The following RBFOX1 variants were observed in gnomAD, a reference collection of about 807,000 sequenced individuals.
RBFOX1 encodes the protein RNA binding protein fox-1 homolog 1.
Under a neutral mutation model 57.7 loss-of-function variants are expected in RBFOX1, and 8 were observed. The ratio of observed to expected loss-of-function variants is 0.14; its 90% CI spans 0.08 to 0.25. The LOEUF (loss-of-function observed/expected upper bound fraction) is 0.25, where lower values mean the gene tolerates loss of function less well. RBFOX1 is among the 10% of genes least tolerant of loss of function. RBFOX1 has a pLI of 1.00. For synonymous variants in RBFOX1, 326 were observed against 222.4 expected, an observed-to-expected ratio of 1.47 and a Z score of -4.15; for missense variants, 611 against 548.5, an observed-to-expected ratio of 1.11 and a Z score of -1.14.
Position 7,453,804 on chromosome 16 carries a change from C to T in RBFOX1, c.28-64343C>T, listed in dbSNP as rs78543734. On this transcript the variant is annotated intron_variant, in intron 4 of 15. Transcript: ENST00000550418. ...GGCACCCTGATGAGATTATGAAGCACGGAGGAGCACCTTCAGCCTTAAGAT... is the reference window on the plus strand; with the variant it reads ...GGCACCCTGATGAGATTATGAAGCATGGAGGAGCACCTTCAGCCTTAAGAT... Among the ~76,000 whole-genome samples, 13 of 152,234 alleles carry T rather than the reference C, an allele frequency of 8.5e-5. No individual in the cohort carries two copies. In the East Asian group the frequency reaches 1.7e-3, roughly 20 times the overall value.
At chr16:6,860,846 T>C (rs1025157402) in intron 3 of RBFOX1, among the ~76,000 whole-genome samples, 3 of 152,192 alleles carry the variant, frequency 2.0e-5, no homozygotes, top group Non-Finnish European at 4.4e-5. Context: ...CACAGTAAAA[T>C]GTTTTCAAAA....
intron 3 of RBFOX1, among the ~76,000 whole-genome samples, chr16:6,740,730 A>C (rs887375201): frequency 9.2e-5 from 14 of 152,204 alleles, no homozygotes; most frequent in African/African-American, 2.2e-4. Flanking sequence ...ACATGTAAAT[A>C]GATGGAAAAG....
intron 1 of RBFOX1, among the ~76,000 whole-genome samples, chr16:5,457,231 G>A (rs2151584937): frequency 6.6e-6 from 1 of 152,186 alleles, no homozygotes; most frequent in East Asian, 1.9e-4. Context: ...CTACCTCCCG[G>A]GTTCAAGATC....
chr16:6,821,664 T>G (rs1194273622), intron 3 of RBFOX1, among the ~76,000 whole-genome samples: 1 of 152,218 alleles, frequency 6.6e-6, no homozygotes, highest in Non-Finnish European at 1.5e-5. Flanking sequence ...ATCTGACTTC[T>G]TTCAGCATAA....
chr16:5,552,048 C>T (rs959862765), intron 2 of RBFOX1, among the ~76,000 whole-genome samples: 1 of 152,148 alleles, frequency 6.6e-6, no homozygotes, highest in Non-Finnish European at 1.5e-5. Context: ...CTGGTTTCCT[C>T]ATCTAAGGAT....
chr16:7,330,003 T>C (rs181513671), intron 4 of RBFOX1, among the ~76,000 whole-genome samples: 82 of 152,348 alleles, frequency 5.4e-4, no homozygotes, highest in Non-Finnish European at 7.3e-4. Context: ...TTGTACTGAA[T>C]ACTGTAGGTG....
At chr16:6,212,765 T>C (rs975204855) in intron 1 of RBFOX1, among the ~76,000 whole-genome samples, 10 of 152,008 alleles carry the variant, frequency 6.6e-5, no homozygotes, top group African/African-American at 2.4e-4. Flanking sequence ...TGGAGTAATC[T>C]GCGTTTTTAT....
intron 2 of RBFOX1, among the ~76,000 whole-genome samples, chr16:6,353,209 C>G (rs1379861120): frequency 1.3e-5 from 2 of 152,118 alleles, no homozygotes; most frequent in Non-Finnish European, 2.9e-5. Context: ...CATTGAAGGA[C>G]AATGGGAAAT....
chr16:6,736,323 C>T (rs1045981151), intron 3 of RBFOX1, among the ~76,000 whole-genome samples: 1 of 152,096 alleles, frequency 6.6e-6, no homozygotes, highest in African/African-American at 2.4e-5. Flanking sequence ...ACTCTTCCCC[C>T]CAAGTCCCCA....
chr16:5,333,753 C>CT lies in RBFOX1; in HGVS notation c.219+93650dup, dbSNP rs563144618. Among the ~76,000 whole-genome samples the CT allele has an allele frequency of 1.2e-4, 18 of 152,338 alleles. No homozygotes were observed. The South Asian group carries it at 3.3e-3, about 28-fold the overall frequency. Reference sequence around the variant, plus strand: ...CACACCTAGGCTATATTATGGTGTACTTATCACTCCTAGGCTGCAAACCTC... The same window carrying CT: ...CACACCTAGGCTATATTATGGTGTACTTTATCACTCCTAGGCTGCAAACCTC... On this transcript the variant is annotated intron_variant, in intron 1 of 2. Transcript: ENST00000585867.
At chr16:7,006,832 C>G (rs1455926231) in intron 3 of RBFOX1, among the ~76,000 whole-genome samples, 2 of 152,174 alleles carry the variant, frequency 1.3e-5, no homozygotes, top group Non-Finnish European at 1.5e-5. Context: ...CCCTCAGCTC[C>G]CAAGCAGTGG....
At chr16:6,608,145 C>T (rs1409986766) in intron 2 of RBFOX1, among the ~76,000 whole-genome samples, 1 of 152,194 alleles carries the variant, frequency 6.6e-6, no homozygotes, top group Non-Finnish European at 1.5e-5. Context: ...TTGATTACTC[C>T]TCACTTTCTT....
intron 3 of RBFOX1, among the ~76,000 whole-genome samples, chr16:5,861,545 G>C (rs1214669888): frequency 2.0e-5 from 3 of 152,210 alleles, no homozygotes; most frequent in Non-Finnish European, 4.4e-5. Flanking sequence ...CATGAGAAAG[G>C]AATGAATGTC....
intron 1 of RBFOX1, among the ~76,000 whole-genome samples, chr16:6,077,813 C>T (rs1434536061): frequency 2.0e-5 from 3 of 151,898 alleles, no homozygotes; most frequent in South Asian, 2.1e-4. Flanking sequence ...ACCTCCTGGC[C>T]TCAAGTGACC....
intron 4 of RBFOX1, among the ~76,000 whole-genome samples, chr16:7,288,185 C>G (rs867350077): frequency 6.6e-6 from 1 of 152,146 alleles, no homozygotes; most frequent in Non-Finnish European, 1.5e-5. Context: ...CGGCACCTAC[C>G]TCAACCATAG....
chr16:7,364,985 A>G (rs1211998517), intron 4 of RBFOX1, among the ~76,000 whole-genome samples: 1 of 152,090 alleles, frequency 6.6e-6, no homozygotes, highest in African/African-American at 2.4e-5. Flanking sequence ...TGATCAGATG[A>G]TTCTTTTGGG....
Position 7,082,481 on chromosome 16 carries a change from C to T in RBFOX1, c.27+30383C>T, listed in dbSNP as rs149342256. ...CCTGTGGTCCCAGCTACTTGGGAGG[C>T]TGAGATGGGAGGATCGCTTGAGCCT... On this transcript the variant is annotated intron_variant, in intron 4 of 15. Coordinates refer to ENST00000550418, the MANE Select transcript of RBFOX1 (RefSeq NM_018723.4). 3.0e-3 allele frequency among the ~76,000 whole-genome samples: 460 copies of T among 151,286 alleles called. 19 individuals are homozygous for T. The East Asian group carries it at 0.068, about 22-fold the overall frequency.
chr16:7,169,829 G>C (rs1408720586), intron 4 of RBFOX1, among the ~76,000 whole-genome samples: 1 of 19,072 alleles, frequency 5.2e-5, no homozygotes, highest in Non-Finnish European at 8.3e-5. Context: ...CTGCACTTTG[G>C]CAGGGCCAAA....
chr16:5,822,692 C>G (rs540646224), intron 3 of RBFOX1, among the ~76,000 whole-genome samples: 151 of 152,332 alleles, frequency 9.9e-4, no homozygotes, highest in African/African-American at 3.5e-3. Flanking sequence ...ATTATGTCTT[C>G]TTGGGTTTCC....
Sources: gnomAD v4.1 joint callset for allele counts (sites outside exome capture counted in the v4.1 genomes callset) on GRCh38, gnomAD v4.1.1 for gene constraint, MANE v1.5 for transcripts, NCBI Gene and HGNC (gene_info 2026-07-23, HGNC 2026-07-21) for gene names.